The following KIF1B variants were observed in gnomAD, a reference collection of about 807,000 sequenced individuals.
The protein encoded by KIF1B is kinesin family member 1B, also known as kinesin-like protein KIF1B.
Under a neutral mutation model 241.9 loss-of-function variants are expected in KIF1B, and 76 were observed. The ratio of observed to expected loss-of-function variants is 0.31; its 90% CI spans 0.26 to 0.38. The LOEUF is 0.38. KIF1B is among the 10% of genes least tolerant of loss of function. KIF1B has a pLI of 1.00. For synonymous variants in KIF1B, 750 were observed against 796.7 expected, an observed-to-expected ratio of 0.94 and a Z score of 0.99; for missense variants, 1,622 against 2,271.4, an observed-to-expected ratio of 0.71 and a Z score of 5.81.
In KIF1B at chr1:10,376,666, C is replaced by T. The variant is rs759662083; in HGVS notation, c.*79C>T. ...TCTCATTTCTCTTTGTGATTCTTGA[C>T]GGTGACTCTTGTATGTAATCCTGTG... On this transcript the variant is annotated 3_prime_UTR_variant, in exon 49 of 49. Coordinates refer to ENST00000676179, the MANE Select transcript of KIF1B (RefSeq NM_001365951.3). 2.4e-5 allele frequency: 34 copies of T among 1,399,626 alleles called. No homozygotes were observed. The highest frequency in any genetic ancestry group is 3.5e-5 in the South Asian group (3 of 86,660). The allele number at this position is 1,399,626 out of a possible 1,614,324, so 86.7% of individuals were successfully genotyped here.
chr1:10,223,693 C>T (rs1646875148), intron 1 of KIF1B, among the ~76,000 whole-genome samples: 2 of 151,706 alleles, frequency 1.3e-5, no homozygotes, highest in East Asian at 2.0e-4. Flanking sequence ...ACTACAGGCA[C>T]GTGCCACCAC....
At chr1:10,363,706 A>G (rs1638488191) in intron 41 of KIF1B, among the ~76,000 whole-genome samples, 1 of 151,638 alleles carries the variant, frequency 6.6e-6, no homozygotes, top group Non-Finnish European at 1.5e-5. Context: ...AAAGAAAAAG[A>G]AAAAAAAATC....
intron 37 of KIF1B, among the ~76,000 whole-genome samples, chr1:10,350,433 G>A (rs966652517): frequency 9.9e-5 from 15 of 151,536 alleles, no homozygotes; most frequent in Non-Finnish European, 1.6e-4. Flanking sequence ...GGTGGTGGGC[G>A]CCTGTAGTCC....
chr1:10,299,735 C>G (rs926317493), intron 22 of KIF1B, among the ~76,000 whole-genome samples: 2 of 152,084 alleles, frequency 1.3e-5, no homozygotes, highest in Non-Finnish European at 2.9e-5. Context: ...AGTTAGTGCT[C>G]TAGGATACCC....
intron 44 of KIF1B, 26 bp downstream of exon 44, chr1:10,368,564 G>A (rs1638639481): frequency 6.3e-7 from 1 of 1,596,606 alleles, no homozygotes; most frequent in South Asian, 1.1e-5. Context: ...GTAATTTTTA[G>A]CCAGTATGTT....
rs1051852334 is a variant in KIF1B at position 10,327,025 on chromosome 1, A to G, written c.2924+666A>G. ...TATAGGGTTTATAATGATAAAGCTC[A>G]GAAAATCATCTATTGACCCCATCAG... On this transcript the variant is annotated intron_variant, in intron 27 of 48. Coordinates refer to ENST00000676179, the MANE Select transcript of KIF1B (RefSeq NM_001365951.3). 9.9e-4 allele frequency among the ~76,000 whole-genome samples: 150 copies of G among 152,176 alleles called. 1 individual carries two copies. The highest frequency in any genetic ancestry group is 2.1e-4 in the Non-Finnish European group (14 of 68,028).
intron 2 of KIF1B, among the ~76,000 whole-genome samples, chr1:10,241,900 A>C (rs1314169151): frequency 6.6e-6 from 1 of 152,136 alleles, no homozygotes; most frequent in East Asian, 1.9e-4. Flanking sequence ...CAAAGTCTGG[A>C]ATGCAGTTCA....
intron 24 of KIF1B, among the ~76,000 whole-genome samples, chr1:10,323,521 C>CT (rs1371205372): frequency 6.6e-6 from 1 of 152,056 alleles, no homozygotes; most frequent in Non-Finnish European, 1.5e-5. Flanking sequence ...ACTCAGGAGG[C>CT]TGAGATGGTA....
chr1:10,298,669 G>A (rs554747296), intron 22 of KIF1B, among the ~76,000 whole-genome samples: 2 of 152,102 alleles, frequency 1.3e-5, no homozygotes, highest in South Asian at 4.2e-4. Flanking sequence ...TGCCTCTGAT[G>A]GTCTGTGAGA....
At chr1:10,265,827 G>C (rs1455327152) in intron 5 of KIF1B, among the ~76,000 whole-genome samples, 2 of 152,040 alleles carry the variant, frequency 1.3e-5, no homozygotes, top group African/African-American at 4.8e-5. Flanking sequence ...TCCAGCCTGG[G>C]TGACAGAGTA....
At chr1:10,290,982 C>A in intron 15 of KIF1B, 100 bp from the exon 16 acceptor site, 1 of 846,710 alleles carries the variant, frequency 1.2e-6, no homozygotes, top group Non-Finnish European at 2.0e-6. Flanking sequence ...TTAATTCTGG[C>A]CTGTATCCTC....
At chr1:10,355,766 T>C (rs1638222582) in intron 38 of KIF1B, among the ~76,000 whole-genome samples, 1 of 152,238 alleles carries the variant, frequency 6.6e-6, no homozygotes, top group Non-Finnish European at 1.5e-5. Flanking sequence ...TTTATTGCTT[T>C]ATAAAACCTG....
rs1651746683 is a variant in KIF1B, at chr1:10,326,970, G to A, written c.2924+611G>A. On this transcript the variant is annotated intron_variant, in intron 27 of 48. Transcript: ENST00000676179. This position sits in a 1 kb window ranked among gnomAD's most constrained non-coding sequence, Gnocchi z 5.2. ...GGCCAGTTTCACTGAGCCTATCTAC[G>A]GATCTTTGGCATCTGCTAAAATTTT... Among the ~76,000 whole-genome samples, 1 of 152,094 alleles carries A rather than the reference G, an allele frequency of 6.6e-6. No homozygotes were observed. The highest frequency in any genetic ancestry group is 1.5e-5 in the Non-Finnish European group (1 of 68,024).
chr1:10,218,438 T>C (rs1434626287), intron 1 of KIF1B, among the ~76,000 whole-genome samples: 4 of 152,044 alleles, frequency 2.6e-5, no homozygotes, highest in African/African-American at 9.7e-5. Flanking sequence ...TTTTTTTTTT[T>C]GAGACAGAGT....
In KIF1B at chr1:10,304,167, TGAAGCAAGGAAAGGGAATAAA is replaced by T. The variant is rs779010370; in HGVS notation, c.2115+6926_2115+6946del. On this transcript the variant is annotated intron_variant, in intron 22 of 48. Coordinates refer to ENST00000676179, the MANE Select transcript of KIF1B (RefSeq NM_001365951.3). ...TAGAGCTTAGGATTCCAAAAGACGA[TGAAGCAAGGAAAGGGAATAAA>T]GAAGAGAGCCAAGAAAAAGGGGGTA... The T allele has an allele frequency of 3.1e-6, 5 of 1,613,796 alleles. No individual in the cohort carries two copies. In the African/African-American group the frequency reaches 6.7e-5, roughly 22 times the overall value.
intron 43 of KIF1B, among the ~76,000 whole-genome samples, chr1:10,366,182 G>C (rs1638567429): frequency 6.6e-6 from 1 of 152,148 alleles, no homozygotes; most frequent in African/African-American, 2.4e-5. Context: ...AGTGAGCCGA[G>C]ATAGCTCCAC....
intron 15 of KIF1B, among the ~76,000 whole-genome samples, chr1:10,289,717 C>T (rs1204838346): frequency 6.6e-6 from 1 of 152,146 alleles, no homozygotes; most frequent in Non-Finnish European, 1.5e-5. Flanking sequence ...AACCTCATAT[C>T]TACTAAAAAT....
In KIF1B at chr1:10,379,166, CTG is replaced by C. The variant is rs1483198295; in HGVS notation, c.*2582_*2583del. ...ACAGAGTGTGACAGAGGATCCATGT[CTG>C]TGACACAGGACGGTGGGAAGCCTGA... On this transcript the variant is annotated 3_prime_UTR_variant, in exon 49 of 49. Coordinates refer to ENST00000676179, the MANE Select transcript of KIF1B (RefSeq NM_001365951.3). The C allele has an allele frequency of 8.6e-6, 2 of 232,322 alleles. No homozygotes were observed. The highest frequency in any genetic ancestry group is 1.7e-5 in the Non-Finnish European group (2 of 117,248). The allele number at this position is 232,322 out of a possible 1,614,324, so 14.4% of individuals were successfully genotyped here. A position where few individuals can be genotyped will look rare whatever the true frequency, so the allele number is the denominator to read the frequency against.
In KIF1B at chr1:10,323,916, A is replaced by G. The variant is rs1651619021; in HGVS notation, c.2391A>G (p.Thr797=). The G allele has an allele frequency of 6.2e-6, 10 of 1,614,124 alleles. No homozygotes were observed. Among genetic ancestry groups the G allele is most frequent in the Admixed American group, 3.3e-5 (2 of 60,018 alleles). ...TTCAGTTTGTTCTGCTGACTGACAC[A>G]CTGTACTCCCCTTTGCCTCCTGAAT... The part of the protein sequence containing the change: ...VQFQFVLLTD[T]LYSPLPPELL... The change falls in exon 25 of 49, where the codon ACA becomes ACG. Residue 797 remains threonine, a synonymous_variant. Coordinates refer to ENST00000676179, the MANE Select transcript of KIF1B (RefSeq NM_001365951.3).
Sources: gnomAD v4.1 joint callset for allele counts (sites outside exome capture counted in the v4.1 genomes callset) on GRCh38, gnomAD v4.1.1 for gene constraint, Gnocchi (gnomAD v3.1) non-coding constraint, MANE v1.5 for transcripts, NCBI Gene and HGNC (gene_info 2026-07-23, HGNC 2026-07-21) for gene names.